PPP2R2B: variants seen among roughly 807,000 people sequenced by gnomAD.
The protein encoded by PPP2R2B is serine/threonine-protein phosphatase 2A 55 kDa regulatory subunit B beta isoform.
A neutral mutation model predicts 46.0 loss-of-function variants in PPP2R2B; 5 were observed. That is an observed-to-expected ratio of 0.11 (90% CI 0.06 to 0.23). The LOEUF is 0.23. Ranked by LOEUF, PPP2R2B falls within the 10% of genes least tolerant of loss-of-function variation. PPP2R2B has a pLI of 1.00. For synonymous variants in PPP2R2B, 215 were observed against 206.7 expected, an observed-to-expected ratio of 1.04 and a Z score of -0.34; for missense variants, 367 against 575.0, an observed-to-expected ratio of 0.64 and a Z score of 3.70.
intron 1 of PPP2R2B, among the ~76,000 whole-genome samples, chr5:147,024,323 T>C (rs1755431580): frequency 6.6e-6 from 1 of 151,914 alleles, no homozygotes; most frequent in Admixed American, 6.6e-5. Context: ...AAAATGTAAA[T>C]AAAAAACTAA....
intron 2 of PPP2R2B, among the ~76,000 whole-genome samples, chr5:146,717,923 T>G (rs1360398344): frequency 6.6e-6 from 1 of 152,164 alleles, no homozygotes; most frequent in Non-Finnish European, 1.5e-5. Flanking sequence ...TTCCTGAGAG[T>G]GGACTTTTCT....
At chr5:146,774,466 G>C (rs1053500759) in intron 2 of PPP2R2B, among the ~76,000 whole-genome samples, 2 of 151,952 alleles carry the variant, frequency 1.3e-5, no homozygotes, top group Non-Finnish European at 1.5e-5. Flanking sequence ...AAAATAAAGT[G>C]GGGGGTTGTA....
intron 2 of PPP2R2B, among the ~76,000 whole-genome samples, chr5:146,797,694 T>C (rs1309705508): frequency 6.6e-6 from 1 of 152,226 alleles, no homozygotes; most frequent in African/African-American, 2.4e-5. Flanking sequence ...AACTGTCTGG[T>C]GAGCTCCAAA....
At chr5:147,011,794 T>C (rs1252185190) in intron 1 of PPP2R2B, among the ~76,000 whole-genome samples, 2 of 144,010 alleles carry the variant, frequency 1.4e-5, no homozygotes, top group African/African-American at 5.3e-5. Flanking sequence ...TGAAGGGTTG[T>C]TGAATTTTGT....
chr5:146,673,015 C>T (rs1221678239), intron 5 of PPP2R2B, among the ~76,000 whole-genome samples: 1 of 152,190 alleles, frequency 6.6e-6, no homozygotes, highest in African/African-American at 2.4e-5. Flanking sequence ...ATTTTATTCT[C>T]TCAACATATA....
chr5:146,613,673 T>C (rs1772848082), intron 7 of PPP2R2B, among the ~76,000 whole-genome samples: 1 of 126,376 alleles, frequency 7.9e-6, no homozygotes, highest in Non-Finnish European at 1.6e-5. Flanking sequence ...AAAATCAATG[T>C]GCAAAAATCA....
intron 2 of PPP2R2B, among the ~76,000 whole-genome samples, chr5:146,742,270 C>G (rs7728574): frequency 0.084 from 12,832 of 152,110 alleles, 1,184 homozygotes; most frequent in African/African-American, 0.23. Flanking sequence ...CATGAAGCCT[C>G]TGATGCAGGG....
intron 2 of PPP2R2B, among the ~76,000 whole-genome samples, chr5:146,745,122 A>G (rs78610694): frequency 0.05 from 7,551 of 149,634 alleles, 328 homozygotes; most frequent in African/African-American, 0.12. Flanking sequence ...AGTTGTCTTG[A>G]CTCATTTTCC....
chr5:146,988,719 GAAC>G (rs1208862190), intron 1 of PPP2R2B, among the ~76,000 whole-genome samples: 1 of 151,294 alleles, frequency 6.6e-6, no homozygotes, highest in East Asian at 1.9e-4. Flanking sequence ...AGAAAAATAA[GAAC>G]AATATAAACC....
intron 1 of PPP2R2B, among the ~76,000 whole-genome samples, chr5:146,977,709 C>A (rs1561552203): frequency 6.6e-6 from 1 of 152,148 alleles, no homozygotes; most frequent in Non-Finnish European, 1.5e-5. Flanking sequence ...ATAAACTCAT[C>A]CTTTTTTATG....
chr5:146,780,786 A>C (rs1370338032), intron 2 of PPP2R2B, among the ~76,000 whole-genome samples: 2 of 152,132 alleles, frequency 1.3e-5, no homozygotes, highest in Non-Finnish European at 2.9e-5. Flanking sequence ...CCTGTTCTTC[A>C]AGATCTACTT....
chr5:146,704,404 T>C (rs1779712937), intron 2 of PPP2R2B, among the ~76,000 whole-genome samples: 2 of 152,242 alleles, frequency 1.3e-5, no homozygotes, highest in South Asian at 2.1e-4. Flanking sequence ...AAGTTCAACA[T>C]GGCTTTCACC....
chr5:147,018,956 G>A (rs868706127), intron 1 of PPP2R2B, among the ~76,000 whole-genome samples: 1 of 152,156 alleles, frequency 6.6e-6, no homozygotes, highest in Admixed American at 6.6e-5. Flanking sequence ...AAAAGCATTA[G>A]CACTGAGTTC....
chr5:146,767,687 C>T (rs1401154590), intron 2 of PPP2R2B, among the ~76,000 whole-genome samples: 1 of 152,252 alleles, frequency 6.6e-6, no homozygotes, highest in African/African-American at 2.4e-5. Flanking sequence ...TATCAACAAC[C>T]TCCACCACAG....
chr5:146,646,193 T>C (rs1294225716), intron 6 of PPP2R2B, among the ~76,000 whole-genome samples: 2 of 152,228 alleles, frequency 1.3e-5, no homozygotes, highest in Non-Finnish European at 2.9e-5. Context: ...AACTAGGTGC[T>C]CAATTTATCA....
intron 1 of PPP2R2B, among the ~76,000 whole-genome samples, chr5:147,038,383 G>A (rs973879761): frequency 8.6e-5 from 13 of 151,894 alleles, no homozygotes; most frequent in Non-Finnish European, 1.6e-4. Context: ...AATTCTCCAG[G>A]GCCTAGAATC....
At chr5:146,910,024 A>C (rs900876324) in intron 1 of PPP2R2B, among the ~76,000 whole-genome samples, 1 of 152,176 alleles carries the variant, frequency 6.6e-6, no homozygotes, top group African/African-American at 2.4e-5. Context: ...TTTACTTTTT[A>C]AATATTTGAC....
chr5:147,001,610 C>T (rs1243299087), intron 1 of PPP2R2B, among the ~76,000 whole-genome samples: 2 of 152,118 alleles, frequency 1.3e-5, no homozygotes, highest in African/African-American at 4.8e-5. Context: ...GACCAAGAAC[C>T]CACCAATTCC....
intron 3 of PPP2R2B, among the ~76,000 whole-genome samples, 173 bp from the exon 4 acceptor site, chr5:146,698,317 A>AAAAATATAT (rs1250416449): frequency 3.5e-5 from 3 of 85,626 alleles, no homozygotes; most frequent in African/African-American, 4.9e-5. Context: ...AAAAAAAAAA[A>AAAAATATAT]ATATATATAT....
Sources: allele counts gnomAD v4.1 joint callset (sites outside exome capture counted in the v4.1 genomes callset), GRCh38; gene constraint gnomAD v4.1.1; transcripts MANE v1.5; gene names NCBI Gene and HGNC (gene_info 2026-07-23, HGNC 2026-07-21).